Variants in MINPP1 observed in about 807,000 individuals in gnomAD.
The protein encoded by MINPP1 is multiple inositol polyphosphate phosphatase 1.
Under a neutral mutation model 46.1 loss-of-function variants are expected in MINPP1, and 28 were observed. The observed-to-expected ratio is 0.61, with a 90% confidence interval of 0.45 to 0.83. The LOEUF is 0.83. Among genes scored for constraint, MINPP1 ranks in the 40% least tolerant of loss-of-function variants. The pLI is 0.00. For synonymous variants in MINPP1, 268 were observed against 249.1 expected (o/e 1.08, Z -0.72); for missense variants, 603 against 610.0 (o/e 0.99, Z 0.12).
intron 4 of MINPP1, among the ~76,000 whole-genome samples, chr10:87,541,105 T>C (rs1851809838): frequency 6.6e-6 from 1 of 152,234 alleles, no homozygotes; most frequent in Non-Finnish European, 1.5e-5. Context: ...TTTTTCCATT[T>C]GACACTATGC....
chr10:87,529,241 A>G (rs1201718791), intron 4 of MINPP1, among the ~76,000 whole-genome samples: 1 of 152,124 alleles, frequency 6.6e-6, no homozygotes, highest in Non-Finnish European at 1.5e-5. Flanking sequence ...TGTGAATTTG[A>G]TCGTGTCATT....
At chr10:87,524,591 T>G (rs977275225) in intron 4 of MINPP1, among the ~76,000 whole-genome samples, 2 of 152,268 alleles carry the variant, frequency 1.3e-5, no homozygotes, top group African/African-American at 4.8e-5. Flanking sequence ...GCTTAGGACA[T>G]GCCTTCCTCA....
At chr10:87,511,742 T>C (rs1564672249) in intron 2 of MINPP1, among the ~76,000 whole-genome samples, 1 of 152,138 alleles carries the variant, frequency 6.6e-6, no homozygotes, top group Non-Finnish European at 1.5e-5. Flanking sequence ...TAAACTCTCT[T>C]CCGGTTTAAG....
chr10:87,505,918 C>T lies in MINPP1; in HGVS notation c.637+366C>T, dbSNP rs1851241815. On this transcript the variant is annotated intron_variant, in intron 1 of 4. Coordinates refer to ENST00000371996, the MANE Select transcript of MINPP1 (RefSeq NM_004897.5). The surrounding 1 kb of genome is among the most constrained non-coding windows in gnomAD (Gnocchi z 4.4). ...TCGAGCGCCAACCCATCCCTTCCCCCTTCCCTGGCGTCTAGTTTCACAATT... is the reference window on the plus strand; with the variant it reads ...TCGAGCGCCAACCCATCCCTTCCCCTTTCCCTGGCGTCTAGTTTCACAATT... Among the ~76,000 whole-genome samples the T allele has an allele frequency of 6.6e-6, 1 of 152,168 alleles. No individual in the cohort carries two copies. Among genetic ancestry groups the T allele is most frequent in the Non-Finnish European group, 1.5e-5 (1 of 68,040 alleles).
At chr10:87,519,738 G>A (rs1378796072) in intron 3 of MINPP1, among the ~76,000 whole-genome samples, 1 of 152,072 alleles carries the variant, frequency 6.6e-6, no homozygotes, top group Non-Finnish European at 1.5e-5. Context: ...TTCTCTAGGA[G>A]CTCTTTCGGG....
intron 3 of MINPP1, among the ~76,000 whole-genome samples, chr10:87,514,255 T>G (rs910431543): frequency 2.0e-5 from 3 of 152,210 alleles, no homozygotes; most frequent in African/African-American, 7.2e-5. Context: ...GCTTCACCCT[T>G]AAATACTTGG....
intron 4 of MINPP1, among the ~76,000 whole-genome samples, chr10:87,537,772 A>AT (rs1564680935): frequency 6.6e-6 from 1 of 150,972 alleles, no homozygotes; most frequent in East Asian, 1.9e-4. Context: ...AGCTTTGGGA[A>AT]TTTTTTTTCT....
chr10:87,525,015 G>A (rs547066219), intron 4 of MINPP1, among the ~76,000 whole-genome samples: 42 of 152,122 alleles, frequency 2.8e-4, no homozygotes, highest in African/African-American at 9.4e-4. Flanking sequence ...AAATGAGCAC[G>A]TGCTGTTGGA....
intron 4 of MINPP1, among the ~76,000 whole-genome samples, chr10:87,534,117 G>A (rs1851700332): frequency 7.7e-6 from 1 of 129,180 alleles, no homozygotes; most frequent in African/African-American, 3.0e-5. Context: ...CAGTGACATC[G>A]TCTCGGCTCA....
At chr10:87,551,592 T>C (rs895677052) in intron 4 of MINPP1, among the ~76,000 whole-genome samples, 1 of 152,140 alleles carries the variant, frequency 6.6e-6, no homozygotes, top group Non-Finnish European at 1.5e-5. Flanking sequence ...ATTACATGAA[T>C]TACCATGTAA....
intron 4 of MINPP1, among the ~76,000 whole-genome samples, chr10:87,533,841 C>T (rs1175024551): frequency 2.0e-5 from 3 of 151,980 alleles, no homozygotes; most frequent in Non-Finnish European, 2.9e-5. Context: ...TGTGTAGTGA[C>T]ACCAAGTGAT....
intron 3 of MINPP1, among the ~76,000 whole-genome samples, chr10:87,520,828 C>T (rs892244194): frequency 3.3e-5 from 5 of 152,054 alleles, no homozygotes; most frequent in Non-Finnish European, 7.4e-5. Flanking sequence ...CATCTACATT[C>T]CCCCAATCCA....
chr10:87,518,674 A>C (rs1412766310), intron 3 of MINPP1, among the ~76,000 whole-genome samples: 21 of 151,902 alleles, frequency 1.4e-4, no homozygotes, highest in African/African-American at 4.4e-4. Flanking sequence ...CCCCATCGGT[A>C]CTCTTCTGTT....
At position 87,504,966 on chromosome 10, in the gene MINPP1, G is replaced by A. The variant is rs201565861; in HGVS notation, c.51G>A (p.Ala17=). The change falls in exon 1 of 5, where the codon GCG becomes GCA. Residue 17 remains alanine, a synonymous_variant. Transcript: ENST00000371996. The part of the protein sequence containing the change: ...CLLRTSVAPA[A]ALAAALLSSL... ...TCCGGACCTCCGTAGCGCCTGCCGC[G>A]GCCCTGGCTGCGGCGCTGCTCTCGT... 1,823 of 1,611,850 alleles carry A rather than the reference G, an allele frequency of 1.1e-3. 2 individuals are homozygous for A. The highest frequency in any genetic ancestry group is 1.4e-3 in the Non-Finnish European group (1,680 of 1,179,516).
intron 2 of MINPP1, 52 bp downstream of exon 2, chr10:87,508,585 A>C: frequency 6.6e-7 from 1 of 1,515,770 alleles, no homozygotes; most frequent in South Asian, 1.1e-5. Flanking sequence ...ATAATTTTGA[A>C]CTGTGAAAAT....
chr10:87,508,129 CCTTTTCTAG>C lies in MINPP1; in HGVS notation c.638-204_638-196del. ...TAATCTTCAATCTCTATTTCTTTAG[CCTTTTCTAG>C]CTATTCTCATGCGTTACAGCCATTA... On this transcript the variant is annotated intron_variant, in intron 1 of 4. Coordinates refer to ENST00000371996, the MANE Select transcript of MINPP1 (RefSeq NM_004897.5). The C allele has an allele frequency of 2.6e-6, 4 of 1,527,342 alleles. No homozygotes were observed. The South Asian group carries it at 5.0e-5, about 19-fold the overall frequency. The allele number at this position is 1,527,342 out of a possible 1,614,324, so 94.6% of individuals were successfully genotyped here. A position where few individuals can be genotyped will look rare whatever the true frequency, so the allele number is the denominator to read the frequency against.
chr10:87,517,650 G>A (rs1211346395), intron 3 of MINPP1, among the ~76,000 whole-genome samples: 4 of 152,018 alleles, frequency 2.6e-5, no homozygotes, highest in Admixed American at 2.0e-4. Context: ...CTTTTCAGTA[G>A]ACATTGTTTT....
intron 4 of MINPP1, among the ~76,000 whole-genome samples, chr10:87,529,578 T>C (rs1851627623): frequency 6.6e-6 from 1 of 152,252 alleles, no homozygotes; most frequent in African/African-American, 2.4e-5. Flanking sequence ...GATCCACTGT[T>C]AGTCTGATGG....
At chr10:87,514,683 G>A (rs890911109) in intron 3 of MINPP1, among the ~76,000 whole-genome samples, 3 of 152,110 alleles carry the variant, frequency 2.0e-5, no homozygotes, top group African/African-American at 7.2e-5. Context: ...CATCATATCA[G>A]AAGGACTGAT....
Sources: allele counts gnomAD v4.1 joint callset (sites outside exome capture counted in the v4.1 genomes callset), GRCh38; gene constraint gnomAD v4.1.1; non-coding constraint Gnocchi (gnomAD v3.1); transcripts MANE v1.5; gene names NCBI Gene and HGNC (gene_info 2026-07-23, HGNC 2026-07-21).